HK2: variants seen among roughly 807,000 people sequenced by gnomAD.
The protein encoded by HK2 is hexokinase 2.
In HK2, 42 loss-of-function variants were observed where a neutral mutation model predicts 92.9. The ratio of observed to expected loss-of-function variants is 0.45; its 90% CI spans 0.35 to 0.58. HK2 has a LOEUF of 0.58. HK2 is among the 20% of genes least tolerant of loss of function. HK2 has a pLI of 0.00. For synonymous variants in HK2, 422 were observed against 468.0 expected (o/e 0.90, Z 1.27); for missense variants, 978 against 1,245.1 (o/e 0.79, Z 3.23).
At chr2:74,878,630 C>T (rs913747694) in intron 8 of HK2, 58 bp from the exon 9 acceptor site, 5 of 1,389,280 alleles carry the variant, frequency 3.6e-6, no homozygotes, top group South Asian at 1.2e-5. Flanking sequence ...CCCCCCGACA[C>T]ACACACTGGC....
In HK2 at chr2:74,857,434, A is replaced by G. The variant is rs868504205; in HGVS notation, c.226+2979A>G. On this transcript the variant is annotated intron_variant, in intron 2 of 17. Transcript: ENST00000290573. ...TGACAACTCAGCAATTCCACTTCCAACTATATGCCCTGAACAGACTCCTGT... is the reference window on the plus strand; with the variant it reads ...TGACAACTCAGCAATTCCACTTCCAGCTATATGCCCTGAACAGACTCCTGT... Among the ~76,000 whole-genome samples the G allele has an allele frequency of 5.3e-5, 8 of 152,336 alleles. No individual in the cohort carries two copies. In the Middle Eastern group the frequency reaches 0.01, roughly 194 times the overall value.
intron 17 of HK2, among the ~76,000 whole-genome samples, chr2:74,890,220 C>T (rs1284782946): frequency 6.6e-6 from 1 of 152,196 alleles, no homozygotes; most frequent in Admixed American, 6.5e-5. Context: ...GGTGTCCTGA[C>T]CCTGCTGTAT....
chr2:74,886,625 A>C lies in HK2; in HGVS notation c.2171A>C (p.Glu724Ala). 6.2e-7 allele frequency: 1 copy of C among 1,613,960 alleles called. No individual in the cohort carries two copies. Among genetic ancestry groups the C allele is most frequent in the South Asian group, 1.1e-5 (1 of 91,058 alleles). ...GGATGCCTAGATGACTTCCGCACAGAATTTGATGTGGCTGTGGATGAGCTT... is the reference window on the plus strand; with the variant it reads ...GGATGCCTAGATGACTTCCGCACAGCATTTGATGTGGCTGTGGATGAGCTT... ...DNGCLDDFRTEFDVAVDELSL... is the reference protein window; with the variant it reads ...DNGCLDDFRTAFDVAVDELSL... The change falls in exon 15 of 18, where the codon GAA (glutamate) becomes GCA (alanine). Residue 724 changes from glutamate (E) to alanine (A), a missense_variant. Physicochemically the swap from Glu to Ala is moderately radical, Grantham distance 107. Transcript: ENST00000290573.
At chr2:74,839,841 A>T (rs1394415967) in intron 1 of HK2, among the ~76,000 whole-genome samples, 1 of 148,642 alleles carries the variant, frequency 6.7e-6, no homozygotes, top group Non-Finnish European at 1.5e-5. Flanking sequence ...TTTAGTAGAG[A>T]TGGGGTTTCA....
chr2:74,877,287 C>T lies in HK2; in HGVS notation c.997C>T (p.Arg333Cys), dbSNP rs750616279. 6.8e-6 allele frequency: 11 copies of T among 1,614,032 alleles called. No homozygotes were observed. Among genetic ancestry groups the T allele is most frequent in the South Asian group, 2.2e-5 (2 of 91,068 alleles). Residue 333 changes from arginine (R) to cysteine (C), a missense_variant, in exon 8 of 18, where the codon CGC becomes TGC. Transcript: ENST00000290573. ...KLSPELLNTG[R>C]FETKDISDIE... ...CAGCCCAGAGCTTCTCAACACCGGTCGCTTTGAGACCAAAGACATCTCAGA... is the reference window on the plus strand; with the variant it reads ...CAGCCCAGAGCTTCTCAACACCGGTTGCTTTGAGACCAAAGACATCTCAGA...
intron 1 of HK2, among the ~76,000 whole-genome samples, chr2:74,840,108 A>G (rs1261348987): frequency 6.7e-6 from 1 of 149,950 alleles, no homozygotes; most frequent in African/African-American, 2.5e-5. Flanking sequence ...GGCGCCCACC[A>G]CCATGTCCGG....
At chr2:74,886,974 A>G (rs960431408) in intron 15 of HK2, among the ~76,000 whole-genome samples, 6 of 152,222 alleles carry the variant, frequency 3.9e-5, no homozygotes, top group African/African-American at 1.4e-4. Context: ...GCTGAAGAGC[A>G]TCTCTTGGGT....
intron 15 of HK2, 34 bp downstream of exon 15, chr2:74,886,707 C>T (rs776501154): frequency 2.5e-6 from 4 of 1,605,790 alleles, no homozygotes; most frequent in Non-Finnish European, 3.4e-6. Context: ...TTAAGTGTAT[C>T]CCAGGACTGG....
intron 2 of HK2, 98 bp downstream of exon 2, chr2:74,854,553 C>G (rs577191829): frequency 2.3e-6 from 3 of 1,305,992 alleles, no homozygotes; most frequent in African/African-American, 2.9e-5. Flanking sequence ...CCTCAGAAAC[C>G]AACCCTGGCT....
At chr2:74,862,084 G>T (rs1457167353) in intron 2 of HK2, among the ~76,000 whole-genome samples, 1 of 152,248 alleles carries the variant, frequency 6.6e-6, no homozygotes, top group Non-Finnish European at 1.5e-5. Context: ...CATCGTTAGT[G>T]CCAGGTACTG....
chr2:74,851,261 A>G (rs1688560000), intron 1 of HK2, among the ~76,000 whole-genome samples: 1 of 152,214 alleles, frequency 6.6e-6, no homozygotes, highest in Non-Finnish European at 1.5e-5. Flanking sequence ...TACGAAGACA[A>G]TGGAGAACAG....
Position 74,886,473 on chromosome 2 carries a change from T to G in HK2, c.2036-17T>G, listed in dbSNP as rs1689541224. 1 of 1,614,026 alleles carries G rather than the reference T, an allele frequency of 6.2e-7. No individual in the cohort carries two copies. ...GGGTTGGTGCTGAGTGAGGCCCTGG[T>G]ATCCTGTGATTGGCAGGCACGGGCA... On this transcript the variant is annotated splice_polypyrimidine_tract_variant and intron_variant, in intron 14 of 17. Coordinates refer to ENST00000290573, the MANE Select transcript of HK2 (RefSeq NM_000189.5).
At position 74,854,318 on chromosome 2, in the gene HK2, G is replaced by A. The variant is rs142756990; in HGVS notation, c.89G>A (p.Arg30His). ...QKVDQYLYHM[R>H]LSDETLLEIS... ...GTTGACCAGTATCTCTACCACATGC[G>A]CCTCTCTGATGAGACCCTCTTGGAG... The change falls in exon 2 of 18, where the codon CGC (arginine) becomes CAC (histidine). Residue 30 changes from arginine to histidine, a missense_variant. This residue lies in a region of HK2 where 189 missense variants were observed against 289.5 expected (regional missense o/e 0.65). Coordinates refer to ENST00000290573, the MANE Select transcript of HK2 (RefSeq NM_000189.5). 4.3e-6 allele frequency: 7 copies of A among 1,612,704 alleles called. No individual in the cohort carries two copies. Among genetic ancestry groups the A allele is most frequent in the South Asian group, 3.3e-5 (3 of 91,020 alleles).
intron 2 of HK2, among the ~76,000 whole-genome samples, chr2:74,859,251 A>T (rs938802410): frequency 6.6e-6 from 1 of 152,248 alleles, no homozygotes; most frequent in African/African-American, 2.4e-5. Context: ...ACTAATACTG[A>T]ACTCTAGTTA....
At chr2:74,854,815 C>CTG (rs1688656766) in intron 2 of HK2, among the ~76,000 whole-genome samples, 1 of 152,198 alleles carries the variant, frequency 6.6e-6, no homozygotes, top group South Asian at 2.1e-4. Context: ...GTGGCCACAA[C>CTG]TGTAGGCCGT....
chr2:74,873,975 C>T (rs1046003223), intron 6 of HK2, 32 bp downstream of exon 6: 3 of 1,521,990 alleles, frequency 2.0e-6, no homozygotes, highest in Non-Finnish European at 2.7e-6. Flanking sequence ...AGGGCCCGTG[C>T]TGGCCAAGGG....
At chr2:74,859,725 G>C (rs1036802254) in intron 2 of HK2, among the ~76,000 whole-genome samples, 4 of 152,154 alleles carry the variant, frequency 2.6e-5, no homozygotes, top group African/African-American at 9.7e-5. Context: ...ACTGTTGGTG[G>C]GAATGTAAAT....
chr2:74,845,108 C>T (rs1230233212), intron 1 of HK2, among the ~76,000 whole-genome samples: 1 of 152,180 alleles, frequency 6.6e-6, no homozygotes, highest in East Asian at 1.9e-4. Context: ...AAACACTCCT[C>T]AGATTCACAT....
chr2:74,865,862 G>A (rs1688933250), intron 2 of HK2, among the ~76,000 whole-genome samples: 1 of 152,072 alleles, frequency 6.6e-6, no homozygotes, highest in Admixed American at 6.5e-5. Flanking sequence ...AGAGTACCTA[G>A]TACTTACTGA....
Sources: gnomAD v4.1 joint callset for allele counts (sites outside exome capture counted in the v4.1 genomes callset) on GRCh38, gnomAD v4.1.1 for gene constraint, gnomAD v4.1.1 regional missense constraint, MANE v1.5 for transcripts, NCBI Gene and HGNC (gene_info 2026-07-23, HGNC 2026-07-21) for gene names.